The following RABGAP1L variants were observed in gnomAD, a reference collection of about 807,000 sequenced individuals.
RABGAP1L encodes the protein RAB GTPase activating protein 1 like.
Under a neutral mutation model 137.7 loss-of-function variants are expected in RABGAP1L, and 63 were observed. The observed-to-expected ratio is 0.46, with a 90% confidence interval of 0.37 to 0.56. The LOEUF is 0.56. RABGAP1L is among the 20% of genes least tolerant of loss of function. The pLI is 0.00. For synonymous variants in RABGAP1L, 431 were observed against 433.7 expected, an observed-to-expected ratio of 0.99 and a Z score of 0.08; for missense variants, 1,095 against 1,244.0, an observed-to-expected ratio of 0.88 and a Z score of 1.80.
chr1:174,161,506 C>T (rs1664455645), intron 1 of RABGAP1L, among the ~76,000 whole-genome samples: 1 of 152,258 alleles, frequency 6.6e-6, no homozygotes, highest in Admixed American at 6.5e-5. Context: ...TCCCAAAGTG[C>T]TGGGATTACA....
chr1:174,166,824 CAG>C (rs1411261410), intron 1 of RABGAP1L, among the ~76,000 whole-genome samples: 1 of 152,160 alleles, frequency 6.6e-6, no homozygotes, highest in East Asian at 1.9e-4. Flanking sequence ...ACAACACATA[CAG>C]AGACTGCTTA....
intron 18 of RABGAP1L, chr1:174,799,760 C>CAGCAGCAGCAGCAGT (rs910202028): frequency 1.3e-6 from 1 of 741,750 alleles, no homozygotes; most frequent in African/African-American, 2.0e-5. Flanking sequence ...CAGCGAGAGG[C>CAGCAGCAGCAGCAGT]AGCAGCAGCA....
chr1:174,264,665 C>T (rs761569404), intron 7 of RABGAP1L, among the ~76,000 whole-genome samples: 1 of 152,150 alleles, frequency 6.6e-6, no homozygotes, highest in African/African-American at 2.4e-5. Flanking sequence ...AGATGAAAAA[C>T]TTGGCATTTT....
chr1:174,558,916 G>T (rs1264164573), intron 13 of RABGAP1L, among the ~76,000 whole-genome samples: 6 of 152,178 alleles, frequency 3.9e-5, no homozygotes, highest in African/African-American at 1.4e-4. Context: ...AAGAATGGAA[G>T]AAACCTGAAG....
chr1:174,847,787 T>G (rs1243196300), intron 19 of RABGAP1L, among the ~76,000 whole-genome samples: 1 of 45,332 alleles, frequency 2.2e-5, no homozygotes, highest in African/African-American at 9.0e-5. Context: ...CTTGCTAGAT[T>G]GGGGAAGTTC....
intron 13 of RABGAP1L, among the ~76,000 whole-genome samples, chr1:174,562,319 C>G (rs1022090405): frequency 6.6e-6 from 1 of 152,138 alleles, no homozygotes; most frequent in African/African-American, 2.4e-5. Flanking sequence ...AATCTCACAC[C>G]ATTTAGAATG....
intron 13 of RABGAP1L, among the ~76,000 whole-genome samples, chr1:174,452,593 G>T (rs1571877419): frequency 1.3e-5 from 2 of 151,994 alleles, no homozygotes; most frequent in African/African-American, 4.8e-5. Context: ...GTGGAGTCTT[G>T]CTCTGTTGCC....
chr1:174,217,309 A>G (rs1263237791), intron 1 of RABGAP1L, among the ~76,000 whole-genome samples: 1 of 152,156 alleles, frequency 6.6e-6, no homozygotes, highest in African/African-American at 2.4e-5. Flanking sequence ...TCAAGTAGAG[A>G]GGTGAATTTC....
At chr1:174,208,109 A>T (rs536690043) in intron 1 of RABGAP1L, among the ~76,000 whole-genome samples, 122 of 152,218 alleles carry the variant, frequency 8.0e-4, no homozygotes, top group Admixed American at 2.4e-3. Context: ...TTAGATTTAT[A>T]CCTAAGTATT....
intron 7 of RABGAP1L, among the ~76,000 whole-genome samples, chr1:174,258,383 C>A (rs547225832): frequency 4.0e-4 from 61 of 152,306 alleles, no homozygotes; most frequent in African/African-American, 1.4e-3. Context: ...TGCCTAGGCT[C>A]AAGCGATCCT....
At chr1:174,482,209 G>A (rs914603402) in intron 13 of RABGAP1L, among the ~76,000 whole-genome samples, 1 of 152,150 alleles carries the variant, frequency 6.6e-6, no homozygotes, top group African/African-American at 2.4e-5. Flanking sequence ...TTTCCCCCCA[G>A]AGCCTCCAAA....
At chr1:174,405,745 A>G (rs1281655808) in intron 13 of RABGAP1L, among the ~76,000 whole-genome samples, 1 of 152,092 alleles carries the variant, frequency 6.6e-6, no homozygotes, top group Non-Finnish European at 1.5e-5. Flanking sequence ...TGGGAGGCTG[A>G]GGTGGGCTGA....
chr1:174,296,030 G>C (rs932808978), intron 10 of RABGAP1L, among the ~76,000 whole-genome samples: 2 of 152,130 alleles, frequency 1.3e-5, no homozygotes, highest in South Asian at 4.1e-4. Context: ...TTAAAAAATT[G>C]GAGAGGAGGA....
chr1:174,805,098 G>A (rs1421140357), intron 18 of RABGAP1L, among the ~76,000 whole-genome samples: 1 of 152,132 alleles, frequency 6.6e-6, no homozygotes, highest in Non-Finnish European at 1.5e-5. Flanking sequence ...AATTTCCATT[G>A]TATACATCTT....
At position 174,969,225 on chromosome 1, in the gene RABGAP1L, T is replaced by C. The variant is rs965531603; in HGVS notation, c.2434-52T>C. The C allele has an allele frequency of 1.3e-5, 18 of 1,375,220 alleles. No homozygotes were observed. The African/African-American group carries it at 2.5e-4, about 19-fold the overall frequency. 85.2% of individuals were successfully genotyped at this position (1,375,220 alleles called of 1,614,324 possible). A position where few individuals can be genotyped will look rare whatever the true frequency, so the allele number is the denominator to read the frequency against. ...TGTTTTTCCTCACCAGTTCTGTTCG[T>C]TTCTGTATGTCCAGACACTAATGCC... is the stretch of plus-strand genomic sequence containing the variant. On this transcript the variant is annotated intron_variant, in intron 20 of 25. Transcript: ENST00000681986.
At chr1:174,530,813 A>G (rs903346201) in intron 13 of RABGAP1L, among the ~76,000 whole-genome samples, 5 of 132,290 alleles carry the variant, frequency 3.8e-5, no homozygotes, top group Non-Finnish European at 6.5e-5. Context: ...ATACATACAT[A>G]CATACATACA....
chr1:174,199,432 C>T (rs541527605), intron 1 of RABGAP1L, among the ~76,000 whole-genome samples: 2 of 152,206 alleles, frequency 1.3e-5, no homozygotes, highest in South Asian at 4.1e-4. Flanking sequence ...GCTAGGATTA[C>T]AGGCGTATAC....
chr1:174,590,306 T>A (rs556192076), intron 13 of RABGAP1L, among the ~76,000 whole-genome samples: 1 of 151,010 alleles, frequency 6.6e-6, no homozygotes, highest in South Asian at 2.1e-4. Context: ...TAATACCTCC[T>A]TTGTTTTAGA....
chr1:174,966,224 C>T (rs562355563), intron 20 of RABGAP1L, among the ~76,000 whole-genome samples: 45 of 152,210 alleles, frequency 3.0e-4, no homozygotes, highest in African/African-American at 1.0e-3. Context: ...ACATAATAGT[C>T]GAGGGAGCTT....
Sources: allele counts gnomAD v4.1 joint callset (sites outside exome capture counted in the v4.1 genomes callset), GRCh38; gene constraint gnomAD v4.1.1; transcripts MANE v1.5; gene names NCBI Gene and HGNC (gene_info 2026-07-23, HGNC 2026-07-21).